The following EXOC4 variants were observed in gnomAD, a reference collection of about 807,000 sequenced individuals.
EXOC4 encodes SEC8-like 1.
A neutral mutation model predicts 107.2 loss-of-function variants in EXOC4; 71 were observed. The ratio of observed to expected loss-of-function variants is 0.66; its 90% CI spans 0.55 to 0.81. The LOEUF (loss-of-function observed/expected upper bound fraction) is 0.81. Among genes scored for constraint, EXOC4 ranks in the 30% least tolerant of loss-of-function variants. The pLI, the probability that EXOC4 is intolerant of heterozygous loss-of-function variation, is 0.00. For missense variants in EXOC4, 1,108 were observed against 1,189.6 expected (o/e 0.93, Z 1.01); for synonymous variants, 456 against 441.2 (o/e 1.03, Z -0.42).
chr7:133,834,165 T>A (rs1797869647), intron 11 of EXOC4, among the ~76,000 whole-genome samples: 1 of 152,198 alleles, frequency 6.6e-6, no homozygotes, highest in Non-Finnish European at 1.5e-5. Context: ...AATCTTTTAT[T>A]CTTTAATTCA....
At chr7:133,424,210 T>C (rs1797670981) in intron 7 of EXOC4, among the ~76,000 whole-genome samples, 1 of 152,096 alleles carries the variant, frequency 6.6e-6, no homozygotes, top group Non-Finnish European at 1.5e-5. Context: ...TGTAATAAAT[T>C]TTGCTGCTGC....
chr7:133,701,799 A>G (rs554195968), intron 10 of EXOC4, among the ~76,000 whole-genome samples: 1 of 152,244 alleles, frequency 6.6e-6, no homozygotes, highest in East Asian at 1.9e-4. Flanking sequence ...ATTTTCATAT[A>G]CACCATATAC....
chr7:133,687,022 T>C (rs1794318201), intron 10 of EXOC4, among the ~76,000 whole-genome samples: 1 of 151,412 alleles, frequency 6.6e-6, no homozygotes, highest in South Asian at 2.1e-4. Flanking sequence ...TGTGTGTGTG[T>C]GTGTGTGTGT....
chr7:133,978,210 C>T (rs1448285449), intron 14 of EXOC4, among the ~76,000 whole-genome samples: 3 of 152,232 alleles, frequency 2.0e-5, no homozygotes, highest in African/African-American at 7.2e-5. Context: ...ATAATCTACA[C>T]ATGTGGTAGA....
chr7:133,677,741 T>G (rs906765742), intron 10 of EXOC4, among the ~76,000 whole-genome samples: 1 of 152,178 alleles, frequency 6.6e-6, no homozygotes, highest in African/African-American at 2.4e-5. Context: ...CCAAACCTGC[T>G]AATCAATCTT....
intron 7 of EXOC4, among the ~76,000 whole-genome samples, chr7:133,385,302 C>G (rs979964620): frequency 1.3e-5 from 2 of 152,168 alleles, no homozygotes; most frequent in African/African-American, 4.8e-5. Context: ...CTATTTTTTT[C>G]TGCCACTTCG....
chr7:133,619,624 A>C (rs1802278065), intron 9 of EXOC4, among the ~76,000 whole-genome samples: 1 of 152,212 alleles, frequency 6.6e-6, no homozygotes, highest in Non-Finnish European at 1.5e-5. Context: ...ACTTCATGGC[A>C]TTCTGTTGTC....
chr7:133,303,346 A>C (rs563921067), intron 3 of EXOC4, among the ~76,000 whole-genome samples: 1 of 152,354 alleles, frequency 6.6e-6, no homozygotes, highest in African/African-American at 2.4e-5. Flanking sequence ...AGGCAGGAGA[A>C]TCGCTTGAAC....
chr7:133,684,143 T>C (rs1272024624), intron 10 of EXOC4, among the ~76,000 whole-genome samples: 1 of 152,188 alleles, frequency 6.6e-6, no homozygotes, highest in African/African-American at 2.4e-5. Context: ...CTACTTAGCA[T>C]AGATATAAGG....
intron 3 of EXOC4, among the ~76,000 whole-genome samples, chr7:133,300,235 G>T (rs761506844): frequency 7.2e-5 from 11 of 152,120 alleles, no homozygotes; most frequent in Non-Finnish European, 7.4e-5. Flanking sequence ...AAGTATTCTT[G>T]CTCCAGGCAC....
At chr7:133,733,677 A>T (rs1021996923) in intron 10 of EXOC4, 2 of 152,234 alleles carry the variant, frequency 1.3e-5, no homozygotes, top group African/African-American at 4.8e-5. Flanking sequence ...GATATATGGC[A>T]TAAATGTTTT....
At chr7:133,648,370 A>G (rs1432573213) in intron 10 of EXOC4, among the ~76,000 whole-genome samples, 2 of 152,158 alleles carry the variant, frequency 1.3e-5, no homozygotes, top group Admixed American at 1.3e-4. Context: ...TGGAGAGCAT[A>G]CACTTCCCTA....
intron 14 of EXOC4, among the ~76,000 whole-genome samples, chr7:133,938,854 G>C (rs1019232956): frequency 6.6e-6 from 1 of 152,196 alleles, no homozygotes; most frequent in Non-Finnish European, 1.5e-5. Flanking sequence ...CCAGGCTGGA[G>C]TGCAGTGGCA....
chr7:133,489,485 G>T (rs1799331514), intron 9 of EXOC4, among the ~76,000 whole-genome samples: 1 of 152,160 alleles, frequency 6.6e-6, no homozygotes, highest in Non-Finnish European at 1.5e-5. Context: ...ATGTGCCAAA[G>T]CTGTGAACTA....
chr7:133,810,802 T>A (rs1308473612), intron 10 of EXOC4, among the ~76,000 whole-genome samples: 1 of 151,806 alleles, frequency 6.6e-6, no homozygotes, highest in African/African-American at 2.4e-5. Context: ...TGGGGCTAAT[T>A]TTTTGTGTTT....
chr7:133,475,191 T>C, intron 7 of EXOC4, 137 bp from the exon 8 acceptor site: 1 of 689,504 alleles, frequency 1.5e-6, no homozygotes, highest in East Asian at 2.8e-5. Flanking sequence ...ATCCCCAACT[T>C]GGAAAATGAA....
chr7:133,639,747 A>G (rs1240745552), intron 10 of EXOC4, among the ~76,000 whole-genome samples: 2 of 152,104 alleles, frequency 1.3e-5, no homozygotes, highest in African/African-American at 4.8e-5. Context: ...GGAATGTTTG[A>G]TGTTTTTATG....
chr7:134,098,513 C>T, the EXOC4 span, among the ~76,000 whole-genome samples: 2 of 152,028 alleles, frequency 1.3e-5, no homozygotes, highest in Non-Finnish European at 2.9e-5. Flanking sequence ...AGGTCTGCAT[C>T]TTAAATAGCA....
chr7:133,316,481 G>A (rs1794993665), intron 4 of EXOC4, among the ~76,000 whole-genome samples: 1 of 152,104 alleles, frequency 6.6e-6, no homozygotes, highest in South Asian at 2.1e-4. Context: ...TTGAGAGCAG[G>A]GCATAGGGTT....
Sources: gnomAD v4.1 joint callset for allele counts (sites outside exome capture counted in the v4.1 genomes callset) on GRCh38, gnomAD v4.1.1 for gene constraint, MANE v1.5 for transcripts, NCBI Gene and HGNC (gene_info 2026-07-23, HGNC 2026-07-21) for gene names.